Variants in CCSER1 observed in about 807,000 individuals in gnomAD.
CCSER1 encodes the protein serine-rich coiled-coil domain-containing protein 1.
In CCSER1, 41 loss-of-function variants were observed where a neutral mutation model predicts 82.0. The observed-to-expected ratio is 0.50, with a 90% CI of 0.39 to 0.65. The LOEUF is 0.65. Ranked by LOEUF, CCSER1 falls within the 30% of genes least tolerant of loss-of-function variation. The pLI is 0.00. For missense variants in CCSER1, 1,119 were observed against 1,064.2 expected (o/e 1.05, Z -0.72); for synonymous variants, 414 against 383.9 (o/e 1.08, Z -0.92).
chr4:90,224,345 G>A (rs1742728524), intron 1 of CCSER1, among the ~76,000 whole-genome samples: 1 of 152,148 alleles, frequency 6.6e-6, no homozygotes, highest in South Asian at 2.1e-4. Flanking sequence ...ACAAACATTT[G>A]AAGTGATTTT....
intron 5 of CCSER1, among the ~76,000 whole-genome samples, chr4:90,470,897 A>C (rs769126489): frequency 1.3e-5 from 2 of 152,052 alleles, no homozygotes; most frequent in Non-Finnish European, 2.9e-5. Context: ...TTGACTAGAT[A>C]ATTTGTTGAT....
intron 10 of CCSER1, among the ~76,000 whole-genome samples, chr4:91,358,695 T>C (rs1281817878): frequency 2.0e-5 from 3 of 152,228 alleles, no homozygotes; most frequent in South Asian, 4.1e-4. Flanking sequence ...TTACCAAGTT[T>C]CAGATGTCCG....
intron 10 of CCSER1, among the ~76,000 whole-genome samples, chr4:91,137,702 T>G (rs1470057012): frequency 5.3e-5 from 8 of 151,702 alleles, no homozygotes; most frequent in African/African-American, 1.9e-4. Context: ...ATGATTGCCA[T>G]TCTAACTGGT....
intron 5 of CCSER1, among the ~76,000 whole-genome samples, chr4:90,547,934 T>C (rs1409362919): frequency 1.3e-5 from 2 of 152,202 alleles, no homozygotes; most frequent in Non-Finnish European, 2.9e-5. Context: ...TGCTAAGTTA[T>C]TATTTGCTAA....
intron 10 of CCSER1, among the ~76,000 whole-genome samples, chr4:91,387,133 T>C (rs1206812433): frequency 6.6e-6 from 1 of 151,970 alleles, no homozygotes; most frequent in East Asian, 1.9e-4. Flanking sequence ...ATAATGAAAC[T>C]GTGATTCTGC....
intron 10 of CCSER1, among the ~76,000 whole-genome samples, chr4:91,375,007 T>C (rs559466617): frequency 1.3e-5 from 2 of 151,944 alleles, no homozygotes; most frequent in Non-Finnish European, 2.9e-5. Flanking sequence ...AAAAAAAAAA[T>C]TGTCATTTTG....
At chr4:91,031,306 G>A (rs890303934) in intron 9 of CCSER1, among the ~76,000 whole-genome samples, 2 of 152,032 alleles carry the variant, frequency 1.3e-5, no homozygotes, top group African/African-American at 4.8e-5. Flanking sequence ...TACAATGCCT[G>A]GAATACTCCC....
At chr4:91,502,096 G>T (rs1362988989) in intron 10 of CCSER1, among the ~76,000 whole-genome samples, 1 of 152,198 alleles carries the variant, frequency 6.6e-6, no homozygotes, top group Non-Finnish European at 1.5e-5. Flanking sequence ...ACAGAAACTG[G>T]TATACAGGAG....
Position 91,492,967 on chromosome 4 carries a change from A to T in CCSER1, c.2218-105605A>T, listed in dbSNP as rs79310709. 2.4e-3 allele frequency among the ~76,000 whole-genome samples: 367 copies of T among 152,170 alleles called. 3 individuals are homozygous for T. The highest frequency in any genetic ancestry group is 8.4e-3 in the African/African-American group (349 of 41,558). On this transcript the variant is annotated intron_variant, in intron 10 of 10. Coordinates refer to ENST00000509176, the MANE Select transcript of CCSER1 (RefSeq NM_001145065.2). ...AGACACATGAGTTCTCATTTTACAT[A>T]GTGTAGATTATTTTGTGTGTTCCAT...
chr4:90,152,776 A>G (rs1204871268), intron 1 of CCSER1, among the ~76,000 whole-genome samples: 1 of 151,946 alleles, frequency 6.6e-6, no homozygotes. Context: ...GAAATTTGGG[A>G]TATTCTGTAG....
At chr4:90,332,244 T>G (rs1739430404) in intron 3 of CCSER1, among the ~76,000 whole-genome samples, 2 of 151,898 alleles carry the variant, frequency 1.3e-5, no homozygotes, top group Admixed American at 1.3e-4. Context: ...TTTTATTTTT[T>G]TGAGATGGAG....
intron 5 of CCSER1, among the ~76,000 whole-genome samples, chr4:90,567,332 C>T (rs1779524354): frequency 6.7e-6 from 1 of 149,716 alleles, no homozygotes; most frequent in Admixed American, 6.6e-5. Context: ...TTGACGGAGC[C>T]CAGGCTGGAG....
chr4:90,383,227 A>T (rs1302598505), intron 3 of CCSER1, among the ~76,000 whole-genome samples: 1 of 152,200 alleles, frequency 6.6e-6, no homozygotes, highest in Non-Finnish European at 1.5e-5. Context: ...GAAAATGTCA[A>T]GTAAAATCGG....
chr4:91,016,023 A>G (rs1739401380), intron 9 of CCSER1, among the ~76,000 whole-genome samples: 1 of 152,006 alleles, frequency 6.6e-6, no homozygotes, highest in African/African-American at 2.4e-5. Context: ...AATACTTATT[A>G]CTGAACAGAT....
intron 4 of CCSER1, among the ~76,000 whole-genome samples, chr4:90,448,302 G>A (rs1760943356): frequency 6.6e-6 from 1 of 151,460 alleles, no homozygotes; most frequent in African/African-American, 2.4e-5. Flanking sequence ...TGAGTGGAGA[G>A]CAGGTTCTTA....
chr4:90,191,972 C>T (rs1578410623), intron 1 of CCSER1, among the ~76,000 whole-genome samples: 2 of 151,986 alleles, frequency 1.3e-5, no homozygotes. Flanking sequence ...TTAAAAACAA[C>T]ATATAAAAGA....
intron 8 of CCSER1, among the ~76,000 whole-genome samples, chr4:90,889,524 T>A (rs1324139722): frequency 6.6e-6 from 1 of 152,156 alleles, no homozygotes; most frequent in Non-Finnish European, 1.5e-5. Flanking sequence ...AAAACAGGAA[T>A]GGAGAAGGAT....
chr4:90,524,685 T>A (rs144710135), intron 5 of CCSER1, among the ~76,000 whole-genome samples: 1 of 152,066 alleles, frequency 6.6e-6, no homozygotes. Context: ...GCCAGGATGG[T>A]CTCTATCTGT....
chr4:90,344,696 A>G (rs746079488), intron 3 of CCSER1, among the ~76,000 whole-genome samples: 5 of 152,112 alleles, frequency 3.3e-5, no homozygotes, highest in South Asian at 2.1e-4. Context: ...AAGTTGAACT[A>G]TTATTAAGTT....
Sources: allele counts gnomAD v4.1 joint callset (sites outside exome capture counted in the v4.1 genomes callset), GRCh38; gene constraint gnomAD v4.1.1; transcripts MANE v1.5; gene names NCBI Gene and HGNC (gene_info 2026-07-23, HGNC 2026-07-21).